KLHL32: variants seen among roughly 807,000 people sequenced by gnomAD.
KLHL32 encodes kelch-like protein 32.
Under a neutral mutation model 64.8 loss-of-function variants are expected in KLHL32, and 35 were observed. That is an observed-to-expected ratio of 0.54 (90% CI 0.41 to 0.72). The LOEUF is 0.72. KLHL32 is among the 30% of genes least tolerant of loss of function. The pLI is 0.00. For synonymous variants in KLHL32, 259 were observed against 281.0 expected (o/e 0.92, Z 0.78); for missense variants, 589 against 768.5 (o/e 0.77, Z 2.76).
rs73502864 is a variant in KLHL32, at chr6:97,054,373, C to T, written c.313-10255C>T. The stretch of plus-strand genomic sequence containing the variant: ...TAATTCAGCAAATACTTAATGAACA[C>T]CTACTATATGCTAAGGACTTACTAG... On this transcript the variant is annotated intron_variant, in intron 4 of 10. Transcript: ENST00000369261. Among the ~76,000 whole-genome samples, 3 of 152,066 alleles carry T rather than the reference C, an allele frequency of 2.0e-5. No homozygotes were observed. In the East Asian group the frequency reaches 5.8e-4, roughly 29 times the overall value.
intron 1 of KLHL32, among the ~76,000 whole-genome samples, chr6:96,954,979 A>C (rs948816512): frequency 3.9e-5 from 6 of 152,204 alleles, no homozygotes; most frequent in African/African-American, 1.4e-4. Flanking sequence ...AAAGATCAAG[A>C]TGCTGCCAGA....
At chr6:97,084,063 A>C (rs1185723694) in intron 5 of KLHL32, among the ~76,000 whole-genome samples, 1 of 152,070 alleles carries the variant, frequency 6.6e-6, no homozygotes, top group East Asian at 1.9e-4. Flanking sequence ...CTGAGGTGCA[A>C]ACTATGCACC....
chr6:96,984,795 C>T (rs1165781963), intron 3 of KLHL32, among the ~76,000 whole-genome samples: 2 of 152,132 alleles, frequency 1.3e-5, no homozygotes, highest in Non-Finnish European at 2.9e-5. Context: ...TTCCTGAATA[C>T]AGTACAGTGA....
chr6:96,964,499 A>G (rs988111172), intron 1 of KLHL32, among the ~76,000 whole-genome samples: 15 of 152,170 alleles, frequency 9.9e-5, no homozygotes, highest in African/African-American at 3.6e-4. Flanking sequence ...TTAAAATACA[A>G]AAAATTAGCA....
chr6:97,054,016 C>T (rs925609727), intron 4 of KLHL32, among the ~76,000 whole-genome samples: 2 of 151,946 alleles, frequency 1.3e-5, no homozygotes, highest in African/African-American at 4.8e-5. Context: ...AATTCTTGAG[C>T]CCTCTGCTGG....
chr6:96,903,043 T>G, the KLHL32 span, among the ~76,000 whole-genome samples: 1 of 152,080 alleles, frequency 6.6e-6, no homozygotes, highest in Non-Finnish European at 1.5e-5. Context: ...GCTTTTTTCT[T>G]TCTGTTTAGA....
At position 97,132,713 on chromosome 6, in the gene KLHL32, CA is replaced by C; in HGVS notation, c.1669del (p.Ile557PhefsTer15). On this transcript the variant is annotated frameshift_variant, in exon 10 of 11. Transcript: ENST00000369261. LOFTEE classifies it high-confidence loss of function. ...AGAATATATTTAGTTGGTGGATATT[CA>C]ATTTGGACAAATGAGCCTCTGGCTT... ...NGRIYLVGGY[S>X]IWTNEPLACI... 1.9e-6 allele frequency: 3 copies of C among 1,613,020 alleles called. No homozygotes were observed. The highest frequency in any genetic ancestry group is 2.5e-6 in the Non-Finnish European group (3 of 1,179,404).
At chr6:96,973,922 A>G (rs747650636) in intron 2 of KLHL32, among the ~76,000 whole-genome samples, 3 of 151,944 alleles carry the variant, frequency 2.0e-5, no homozygotes, top group Non-Finnish European at 4.4e-5. Flanking sequence ...GGGTTTCACC[A>G]TATTGGCCAG....
In KLHL32 at chr6:97,084,680, C is replaced by T. The variant is rs117275168; in HGVS notation, c.412-446C>T. Among the ~76,000 whole-genome samples, 413 of 152,214 alleles carry T rather than the reference C, an allele frequency of 2.7e-3. 2 individuals are homozygous for T. Among genetic ancestry groups the T allele is most frequent in the Non-Finnish European group, 3.6e-3 (248 of 68,008 alleles). Reference sequence around the variant, plus strand: ...TTAGTTTGAAGTTTTGGAAAAAGAGCGGAGTCAGTCTGTCTTCAAATAGTT... The same window carrying T: ...TTAGTTTGAAGTTTTGGAAAAAGAGTGGAGTCAGTCTGTCTTCAAATAGTT... On this transcript the variant is annotated intron_variant, in intron 5 of 10. Coordinates refer to ENST00000369261, the MANE Select transcript of KLHL32 (RefSeq NM_052904.4).
At chr6:96,978,590 C>T (rs544371650) in intron 3 of KLHL32, among the ~76,000 whole-genome samples, 20 of 152,214 alleles carry the variant, frequency 1.3e-4, no homozygotes, top group African/African-American at 4.3e-4. Context: ...TTGTGAATAG[C>T]GCTACAGTGA....
At chr6:96,958,111 TG>T (rs1005939441) in intron 1 of KLHL32, among the ~76,000 whole-genome samples, 2 of 152,122 alleles carry the variant, frequency 1.3e-5, no homozygotes, top group African/African-American at 4.8e-5. Context: ...AGAGAACAAA[TG>T]GGATGTGATT....
chr6:97,016,569 A>G (rs1781226424), intron 3 of KLHL32, among the ~76,000 whole-genome samples: 1 of 152,216 alleles, frequency 6.6e-6, no homozygotes, highest in Non-Finnish European at 1.5e-5. Context: ...TTACAGGCTT[A>G]TAGGTGGAAG....
intron 7 of KLHL32, among the ~76,000 whole-genome samples, chr6:97,121,661 A>G (rs1798383602): frequency 6.6e-6 from 1 of 152,084 alleles, no homozygotes; most frequent in African/African-American, 2.4e-5. Context: ...TTTAATGTCC[A>G]AATCGTTGGC....
rs113573748 is a variant in KLHL32, at chr6:97,061,765, C to T, written c.313-2863C>T. On this transcript the variant is annotated intron_variant, in intron 4 of 10. Transcript: ENST00000369261. ...GAGGTTGTTCTTTTGGCCAGTCCTTCGAGGCAGGTGACAGATAAATTCACC... is the reference window on the plus strand; with the variant it reads ...GAGGTTGTTCTTTTGGCCAGTCCTTTGAGGCAGGTGACAGATAAATTCACC... Among the ~76,000 whole-genome samples the T allele has an allele frequency of 9.1e-3, 1,387 of 152,268 alleles. 22 individuals are homozygous for T. The highest frequency in any genetic ancestry group is 0.03 in the African/African-American group (1,267 of 41,550).
chr6:96,967,195 A>C (rs1774549672), intron 2 of KLHL32, 112 bp downstream of exon 2: 1 of 889,618 alleles, frequency 1.1e-6, no homozygotes, highest in South Asian at 1.7e-5. Context: ...TGAAGGAATC[A>C]TCAAACTAGT....
the KLHL32 span, among the ~76,000 whole-genome samples, chr6:96,899,419 A>C: frequency 1.8e-4 from 28 of 152,320 alleles, no homozygotes; most frequent in African/African-American, 6.5e-4. Context: ...CTGTTAAAAT[A>C]TTTTAAAAGT....
Position 97,013,565 on chromosome 6 carries a change from C to T in KLHL32, c.205-27927C>T, listed in dbSNP as rs1235350528. Among the ~76,000 whole-genome samples, 3 of 152,168 alleles carry T rather than the reference C, an allele frequency of 2.0e-5. No individual in the cohort carries two copies. The East Asian group carries it at 5.8e-4, about 29-fold the overall frequency. The stretch of plus-strand genomic sequence containing the variant: ...ATACATACACAGACACACACATACA[C>T]ACATGTACACGTGTCAGGTCTAACA... On this transcript the variant is annotated intron_variant, in intron 3 of 10. Transcript: ENST00000369261.
intron 3 of KLHL32, among the ~76,000 whole-genome samples, chr6:96,992,200 C>T (rs1057410149): frequency 2.0e-4 from 31 of 152,198 alleles, no homozygotes; most frequent in African/African-American, 6.5e-4. Flanking sequence ...ATGCAGCTGC[C>T]GGTGTCCGGT....
intron 1 of KLHL32, among the ~76,000 whole-genome samples, chr6:96,943,782 TG>T (rs1771618109): frequency 6.6e-6 from 1 of 152,204 alleles, no homozygotes; most frequent in Non-Finnish European, 1.5e-5. Context: ...CACAGACACT[TG>T]CCCCAGCCAT....
Sources: gnomAD v4.1 joint callset for allele counts (sites outside exome capture counted in the v4.1 genomes callset) on GRCh38, gnomAD v4.1.1 for gene constraint, MANE v1.5 for transcripts, NCBI Gene and HGNC (gene_info 2026-07-23, HGNC 2026-07-21) for gene names.